The following TG variants were observed in gnomAD, a reference collection of about 807,000 sequenced individuals.
TG encodes thyroglobulin, also known as thyroid hormones.
Under a neutral mutation model 324.7 loss-of-function variants are expected in TG, and 270 were observed. That is an observed-to-expected ratio of 0.83 (90% CI 0.75 to 0.92). The LOEUF (loss-of-function observed/expected upper bound fraction) is 0.92. Ranked by LOEUF, TG falls within the 40% of genes least tolerant of loss-of-function variation. TG has a pLI of 0.00. For missense variants in TG, 3,591 were observed against 3,456.4 expected, an observed-to-expected ratio of 1.04 and a Z score of -0.98; for synonymous variants, 1,401 against 1,327.0, an observed-to-expected ratio of 1.06 and a Z score of -1.21.
chr8:133,114,629 TG>T (rs2131765215), intron 44 of TG, among the ~76,000 whole-genome samples: 1 of 152,276 alleles, frequency 6.6e-6, no homozygotes, highest in African/African-American at 2.4e-5. Flanking sequence ...TGACGCATCT[TG>T]GTTTTCTGAG....
intron 41 of TG, among the ~76,000 whole-genome samples, chr8:133,092,981 G>A (rs1477890090): frequency 6.6e-5 from 10 of 152,106 alleles, no homozygotes; most frequent in Non-Finnish European, 1.0e-4. Context: ...TTTTATAGCC[G>A]AAGGAAATAT....
At chr8:132,994,787 A>T in intron 35 of TG, 2 of 1,287,938 alleles carry the variant, frequency 1.6e-6, no homozygotes, top group Non-Finnish European at 2.0e-6. Flanking sequence ...TAACTGGAGT[A>T]CCTGGTGTCA....
rs768937349 is a variant in TG at position 132,966,697 on chromosome 8, C to T, written c.5686C>T (p.Arg1896Cys). The T allele has an allele frequency of 2.7e-5, 44 of 1,613,856 alleles. No homozygotes were observed. Among genetic ancestry groups the T allele is most frequent in the Admixed American group, 2.5e-4 (15 of 59,986 alleles). ...GCAGGCAAACCTATGGTGCCTTTCTCGTAAGTATCCTTAGAACTCATTCTT... is the reference window on the plus strand; with the variant it reads ...GCAGGCAAACCTATGGTGCCTTTCTTGTAAGTATCCTTAGAACTCATTCTT... ...AQQANLWCLS[R>C]CVQEHSFCQL... Residue 1896 changes from arginine (R) to cysteine (C), a missense_variant and splice_region_variant, in exon 30 of 48, where the codon CGT becomes TGT. Physicochemically the swap from Arg to Cys is radical, Grantham distance 180. Transcript: ENST00000220616.
intron 35 of TG, among the ~76,000 whole-genome samples, chr8:132,984,483 G>T (rs1357452): frequency 0.58 from 88,094 of 152,014 alleles, 26,820 homozygotes; most frequent in African/African-American, 0.73. Context: ...CATCGTTATT[G>T]CCATGTCAGA....
At chr8:132,876,135 A>G (rs527641946) in intron 5 of TG, among the ~76,000 whole-genome samples, 1 of 152,168 alleles carries the variant, frequency 6.6e-6, no homozygotes, top group Admixed American at 6.5e-5. Context: ...GGGTGAGGGG[A>G]GAGCAGAGTG....
intron 44 of TG, among the ~76,000 whole-genome samples, chr8:133,115,279 C>T (rs1157030446): frequency 6.6e-6 from 1 of 152,194 alleles, no homozygotes; most frequent in Non-Finnish European, 1.5e-5. Flanking sequence ...CCTTCCTTCT[C>T]TCTGGCACAG....
intron 34 of TG, among the ~76,000 whole-genome samples, chr8:132,976,184 A>T (rs993052617): frequency 6.6e-6 from 1 of 152,214 alleles, no homozygotes; most frequent in African/African-American, 2.4e-5. Context: ...GTGCTGCTAT[A>T]ACAGAATACC....
chr8:132,977,572 A>G (rs1184429616), intron 34 of TG, among the ~76,000 whole-genome samples: 1 of 152,172 alleles, frequency 6.6e-6, no homozygotes, highest in Admixed American at 6.5e-5. Flanking sequence ...AAGCCTCACA[A>G]TCGTGACGGA....
At chr8:132,886,191 C>T (rs1462893671) in intron 8 of TG, among the ~76,000 whole-genome samples, 1 of 152,130 alleles carries the variant, frequency 6.6e-6, no homozygotes, top group East Asian at 1.9e-4. Flanking sequence ...CAAGACTTGC[C>T]TTAGAAGGGA....
chr8:133,102,549 C>G (rs1849401697), intron 43 of TG: 1 of 1,551,560 alleles, frequency 6.4e-7, no homozygotes, highest in Admixed American at 2.0e-5. Context: ...AGTTAGCAAC[C>G]TACCGGTGGA....
chr8:133,106,344 G>A (rs1045245123), intron 43 of TG: 1 of 939,298 alleles, frequency 1.1e-6, no homozygotes, highest in East Asian at 1.2e-4. Flanking sequence ...CTGAGGCTCT[G>A]CAGTGCCTGG....
chr8:132,883,131 C>T (rs964184246), intron 8 of TG, 132 bp downstream of exon 8: 1 of 925,416 alleles, frequency 1.1e-6, no homozygotes, highest in Non-Finnish European at 1.6e-6. Context: ...CAAGCTCAAC[C>T]TGTCTGAGAA....
intron 10 of TG, among the ~76,000 whole-genome samples, chr8:132,891,072 C>G (rs1026439002): frequency 6.6e-6 from 1 of 152,068 alleles, no homozygotes; most frequent in South Asian, 2.1e-4. Context: ...GAGGTATGTA[C>G]GTGGAAAATG....
intron 45 of TG, among the ~76,000 whole-genome samples, chr8:133,129,589 T>C (rs1419348680): frequency 6.6e-6 from 1 of 152,152 alleles, no homozygotes; most frequent in African/African-American, 2.4e-5. Context: ...TCGAACCTCC[T>C]GGGCTCAAGT....
chr8:133,078,744 G>A (rs146565269), intron 41 of TG, among the ~76,000 whole-genome samples: 618 of 152,246 alleles, frequency 4.1e-3, no homozygotes, highest in Non-Finnish European at 6.5e-3. Context: ...TGTTCATTAC[G>A]TATTTGCTGA....
At chr8:133,082,224 A>G (rs1845857693) in intron 41 of TG, among the ~76,000 whole-genome samples, 2 of 152,006 alleles carry the variant, frequency 1.3e-5, no homozygotes, top group African/African-American at 2.4e-5. Context: ...TATCTTTTCT[A>G]TTGGTCTGAC....
intron 34 of TG, among the ~76,000 whole-genome samples, chr8:132,980,442 A>G (rs1830682272): frequency 6.6e-6 from 1 of 151,688 alleles, no homozygotes; most frequent in Non-Finnish European, 1.5e-5. Context: ...ACACCTAAAC[A>G]GGGTGTGGAG....
rs745510396 is a variant in TG at position 132,967,890 on chromosome 8, G to A, written c.5783G>A (p.Cys1928Tyr). ...ACCCTCTACCCAGAGGCACAGGTGT[G>A]TGATGACATCATGGAGTCCAATGCC... ...TCTLYPEAQVCDDIMESNAQG... is the reference protein window; with the variant it reads ...TCTLYPEAQVYDDIMESNAQG... Residue 1928 changes from cysteine to tyrosine, a missense_variant, in exon 31 of 48, where the codon TGT becomes TAT. Physicochemically the swap from Cys to Tyr is radical, Grantham distance 194. Transcript: ENST00000220616. The A allele has an allele frequency of 1.2e-6, 2 of 1,614,026 alleles. No homozygotes were observed. The highest frequency in any genetic ancestry group is 3.3e-5 in the Admixed American group (2 of 60,002).
At chr8:133,073,183 A>G (rs1044030888) in intron 41 of TG, 3 of 152,208 alleles carry the variant, frequency 2.0e-5, no homozygotes, top group African/African-American at 7.2e-5. Flanking sequence ...CAGAATGTTG[A>G]CACAGGTGCA....
Sources: gnomAD v4.1 joint callset for allele counts (sites outside exome capture counted in the v4.1 genomes callset) on GRCh38, gnomAD v4.1.1 for gene constraint, MANE v1.5 for transcripts, NCBI Gene and HGNC (gene_info 2026-07-23, HGNC 2026-07-21) for gene names.